Variants in RASA3 observed in about 807,000 individuals in gnomAD.
RASA3 encodes RAS p21 protein activator 3, also known as ras GTPase-activating protein 3.
RASA3 carries 73 observed loss-of-function variants against 110.0 expected under a neutral mutation model. That is an observed-to-expected ratio of 0.66 (90% CI 0.55 to 0.81). RASA3 has a LOEUF of 0.81. Among genes scored for constraint, RASA3 ranks in the 30% least tolerant of loss-of-function variants. RASA3 has a pLI of 0.00. For synonymous variants in RASA3, 500 were observed against 451.4 expected (o/e 1.11, Z -1.37); for missense variants, 976 against 1,113.2 (o/e 0.88, Z 1.75).
At chr13:114,043,627 C>T (rs77514214) in intron 3 of RASA3, among the ~76,000 whole-genome samples, 14,889 of 152,092 alleles carry the variant, frequency 0.098, 1,056 homozygotes, top group African/African-American at 0.18. Flanking sequence ...GCTGAAACCA[C>T]CACTGAGGGC....
chr13:114,029,990 G>GC lies in RASA3; in HGVS notation c.373-104dup. ...GCCTAGAGGGCAAAGGGAGCAGGCG[G>GC]CCCCGCCCTGCCCTGGCCAATGGGC... On this transcript the variant is annotated intron_variant, in intron 4 of 23. Coordinates refer to ENST00000334062, the MANE Select transcript of RASA3 (RefSeq NM_007368.4). The GC allele has an allele frequency of 5.8e-6, 6 of 1,041,010 alleles. No homozygotes were observed. In the South Asian group the frequency reaches 8.2e-5, roughly 14 times the overall value. The allele number at this position is 1,041,010 out of a possible 1,614,324, so 64.5% of individuals were successfully genotyped here.
At chr13:114,049,570 T>C (rs1021566682) in intron 3 of RASA3, among the ~76,000 whole-genome samples, 3 of 152,238 alleles carry the variant, frequency 2.0e-5, no homozygotes, top group South Asian at 2.1e-4. Flanking sequence ...AAATGTCTCA[T>C]ACACCTTCGA....
intron 1 of RASA3, among the ~76,000 whole-genome samples, chr13:114,079,652 C>T (rs1475840320): frequency 6.6e-6 from 1 of 152,246 alleles, no homozygotes; most frequent in Non-Finnish European, 1.5e-5. Flanking sequence ...AGGTCCTCCT[C>T]CAGGCCCTGG....
intron 5 of RASA3, among the ~76,000 whole-genome samples, chr13:114,028,863 A>T (rs111948438): frequency 8.4e-5 from 2 of 23,800 alleles, no homozygotes; most frequent in Non-Finnish European, 6.9e-5. Context: ...CTAAAACGGC[A>T]TCATCCTGGG....
chr13:114,127,830 T>C (rs1454348799), intron 1 of RASA3, among the ~76,000 whole-genome samples: 5 of 152,142 alleles, frequency 3.3e-5, no homozygotes, highest in African/African-American at 1.2e-4. Context: ...CTGGGGTGCT[T>C]GGGCCCAGAT....
chr13:114,066,897 G>C (rs542653638), intron 2 of RASA3, among the ~76,000 whole-genome samples: 1 of 152,112 alleles, frequency 6.6e-6, no homozygotes, highest in African/African-American at 2.4e-5. Flanking sequence ...TGGGGCTGAG[G>C]ATGGGCCCCC....
intron 12 of RASA3, among the ~76,000 whole-genome samples, chr13:114,016,976 G>A (rs962957041): frequency 2.6e-5 from 4 of 152,218 alleles, no homozygotes; most frequent in Admixed American, 1.3e-4. Context: ...GGAAGAGCCA[G>A]GCTTTTCTTG....
rs78797902 is a variant in RASA3, at chr13:114,060,598, G to A, written c.174-8443C>T. On this transcript the variant is annotated intron_variant, in intron 2 of 23. Transcript: ENST00000334062. Reference sequence around the variant, plus strand: ...AGCCAGAGGGGCTCCTGCAGGAGGTGACGGGCCTGCGGGGACGCGAAGGGC... The same window carrying A: ...AGCCAGAGGGGCTCCTGCAGGAGGTAACGGGCCTGCGGGGACGCGAAGGGC... Among the ~76,000 whole-genome samples the A allele has an allele frequency of 4.5e-4, 69 of 152,376 alleles. 1 individual carries two copies. In the East Asian group the frequency reaches 0.013, roughly 28 times the overall value.
intron 4 of RASA3, among the ~76,000 whole-genome samples, chr13:114,030,171 C>T (rs546298454): frequency 4.7e-4 from 71 of 152,354 alleles, no homozygotes; most frequent in African/African-American, 1.4e-3. Flanking sequence ...GGGGTCCAAC[C>T]GTGTAGGAGA....
chr13:114,009,145 G>A (rs2053577313), intron 17 of RASA3, among the ~76,000 whole-genome samples: 1 of 152,228 alleles, frequency 6.6e-6, no homozygotes, highest in Non-Finnish European at 1.5e-5. Context: ...GAACAAGATG[G>A]GCGAGGGCCC....
Position 114,032,605 on chromosome 13 carries a change from C to T in RASA3, c.373-2718G>A, listed in dbSNP as rs373093175. On this transcript the variant is annotated intron_variant, in intron 4 of 23. Coordinates refer to ENST00000334062, the MANE Select transcript of RASA3 (RefSeq NM_007368.4). ...GCCCTTCAGCCCTCACTTGACACCG[C>T]GTCGGTGCAGCCCCACGGCACCCCC... Among the ~76,000 whole-genome samples, 56 of 152,158 alleles carry T rather than the reference C, an allele frequency of 3.7e-4. No homozygotes were observed. In the East Asian group the frequency reaches 0.01, roughly 28 times the overall value.
At chr13:114,001,206 C>A (rs1030225359) in intron 18 of RASA3, among the ~76,000 whole-genome samples, 4 of 152,262 alleles carry the variant, frequency 2.6e-5, no homozygotes, top group Non-Finnish European at 5.9e-5. Context: ...GAACTTTCAA[C>A]AGTGGTGCTG....
rs1209057781 is a variant in RASA3, at chr13:113,999,586, T to G, written c.1931A>C (p.Asn644Thr). ...KLEEESFKMK[N>T]MFQVIQPERA... ...GAGGCTTGGGGGCCCCACACTCACG[T>G]TTTTCATTTTGAAAGACTCCTCCTC... Residue 644 changes from asparagine (N) to threonine (T), a missense_variant and splice_region_variant, in exon 20 of 24, where the codon AAC (asparagine) becomes ACC (threonine). Around this residue, in one of 4 missense-constraint regions of RASA3, gnomAD observed 109 missense variants for 162.5 expected, o/e 0.67. Coordinates refer to ENST00000334062, the MANE Select transcript of RASA3 (RefSeq NM_007368.4). 6.2e-7 allele frequency: 1 copy of G among 1,612,522 alleles called. No individual in the cohort carries two copies. The highest frequency in any genetic ancestry group is 2.2e-5 in the East Asian group (1 of 44,768).
At position 114,024,348 on chromosome 13, in the gene RASA3, C is replaced by T. The variant is rs529417970; in HGVS notation, c.611G>A (p.Arg204Gln). The T allele has an allele frequency of 6.4e-5, 104 of 1,613,688 alleles. 1 individual carries two copies. In the South Asian group the frequency reaches 8.2e-4, roughly 13 times the overall value. Residue 204 changes from arginine (R) to glutamine (Q), a missense_variant, in exon 8 of 24, where the codon CGG becomes CAG. This residue lies in a region of RASA3 where 732 missense variants were observed against 779.7 expected (regional missense o/e 0.94). Coordinates refer to ENST00000334062, the MANE Select transcript of RASA3 (RefSeq NM_007368.4). ...GGACTTCTTGCTGTAGCTACAGGGC[C>T]GGGTCACCTGGAGTCAGACGAGAGA... is the stretch of plus-strand genomic sequence containing the variant. The part of the protein sequence containing the change: ...FDEVFYFEVT[R>Q]PCSYSKKSHF...
chr13:114,027,750 C>G (rs1163834589), intron 6 of RASA3, 97 bp downstream of exon 6: 15 of 1,280,194 alleles, frequency 1.2e-5, no homozygotes, highest in Non-Finnish European at 1.6e-5. Flanking sequence ...GCGCAACCTC[C>G]TGACTCCTCC....
At chr13:114,088,606 C>T (rs1010540371) in intron 1 of RASA3, among the ~76,000 whole-genome samples, 1 of 150,292 alleles carries the variant, frequency 6.7e-6, no homozygotes, top group Admixed American at 6.6e-5. Flanking sequence ...GGCTGGAGTG[C>T]GATGGTGCAA....
chr13:114,031,580 GT>G, intron 4 of RASA3, among the ~76,000 whole-genome samples: 1 of 151,802 alleles, frequency 6.6e-6, no homozygotes, highest in East Asian at 1.9e-4. Flanking sequence ...GCGACTGTGT[GT>G]GCATGTCTGC....
intron 23 of RASA3, among the ~76,000 whole-genome samples, chr13:113,979,663 T>C (rs2052862153): frequency 6.6e-6 from 1 of 152,184 alleles, no homozygotes; most frequent in Non-Finnish European, 1.5e-5. Flanking sequence ...GTGGCACGTG[T>C]GTAGCGCATA....
intron 1 of RASA3, among the ~76,000 whole-genome samples, chr13:114,087,603 G>A (rs531193351): frequency 8.7e-4 from 133 of 152,344 alleles, no homozygotes; most frequent in African/African-American, 3.0e-3. Flanking sequence ...GGAGGGCCCC[G>A]GGCAGTGCCA....
Sources: allele counts gnomAD v4.1 joint callset (sites outside exome capture counted in the v4.1 genomes callset), GRCh38; gene constraint gnomAD v4.1.1; regional missense constraint gnomAD v4.1.1; transcripts MANE v1.5; gene names NCBI Gene and HGNC (gene_info 2026-07-23, HGNC 2026-07-21).